Variants in AMOT observed in about 807,000 individuals in gnomAD.
AMOT encodes the protein angiomotin.
AMOT carries 11 observed loss-of-function variants against 67.0 expected under a neutral mutation model. The ratio of observed to expected loss-of-function variants is 0.16; its 90% CI spans 0.10 to 0.27. The LOEUF is 0.27. Ranked by LOEUF, AMOT falls within the 10% of genes least tolerant of loss-of-function variation. The pLI is 1.00. For synonymous variants in AMOT, 326 were observed against 321.4 expected (o/e 1.01, Z -0.15); for missense variants, 753 against 852.0 (o/e 0.88, Z 1.45).
intron 8 of AMOT, 49 bp downstream of exon 8, chrX:112,804,898 T>TTGCCCCCCCCCCCC: frequency 3.6e-5 from 30 of 837,514 alleles, no homozygotes; most frequent in East Asian, 7.6e-5. Context: ...GTCCCCGATT[T>TTGCCCCCCCCCCCC]CCCAGCCCTC....
intron 4 of AMOT, among the ~76,000 whole-genome samples, chrX:112,820,388 G>C (rs1202122448): frequency 1.8e-5 from 2 of 110,698 alleles, no homozygotes; most frequent in Non-Finnish European, 3.8e-5. Flanking sequence ...TTTCTCCGGT[G>C]GTTTAATCAG....
intron 4 of AMOT, among the ~76,000 whole-genome samples, chrX:112,821,224 C>G (rs142280845): frequency 1.8e-5 from 2 of 111,352 alleles, no homozygotes; most frequent in Non-Finnish European, 3.8e-5. Flanking sequence ...CAGACCTAGT[C>G]TGTGAGCCGC....
intron 5 of AMOT, among the ~76,000 whole-genome samples, chrX:112,812,662 T>G (rs1416770451): frequency 2.7e-5 from 3 of 112,236 alleles, no homozygotes; most frequent in Non-Finnish European, 3.8e-5. Context: ...CACGGTCTAT[T>G]AAGCAATTTT....
intron 3 of AMOT, among the ~76,000 whole-genome samples, chrX:112,824,261 C>CA (rs1383390758): frequency 1.8e-5 from 2 of 111,689 alleles, no homozygotes; most frequent in African/African-American, 6.5e-5. Context: ...CAGAATCTGT[C>CA]AATGTTAAGT....
At chrX:112,790,543 A>G in intron 10 of AMOT, 49 bp downstream of exon 10, 1 of 1,104,794 alleles carries the variant, frequency 9.1e-7, no homozygotes, top group Non-Finnish European at 1.2e-6. Context: ...TCTATGAATC[A>G]GTGACCTTTC....
chrX:112,804,866 TCAC>T, intron 8 of AMOT, 78 bp downstream of exon 8: 2 of 1,160,845 alleles, frequency 1.7e-6, no homozygotes, highest in African/African-American at 1.8e-5. Context: ...AGCTGCCAAT[TCAC>T]CACAATGTGG....
intron 9 of AMOT, among the ~76,000 whole-genome samples, chrX:112,791,061 AG>A (rs769929098): frequency 2.7e-5 from 3 of 111,012 alleles, no homozygotes; most frequent in African/African-American, 9.8e-5. Context: ...CCTGCCTGCC[AG>A]CATAACACAC....
chrX:112,835,611 G>A (rs1234398812), intron 1 of AMOT, among the ~76,000 whole-genome samples: 3 of 101,520 alleles, frequency 3.0e-5, no homozygotes, highest in African/African-American at 1.1e-4. Flanking sequence ...TTGAGACGGA[G>A]TTTTGCTCTT....
intron 4 of AMOT, among the ~76,000 whole-genome samples, chrX:112,820,653 A>G (rs1934689107): frequency 9.0e-6 from 1 of 111,507 alleles, no homozygotes; most frequent in East Asian, 2.8e-4. Flanking sequence ...ACATCAGCCC[A>G]TCAACAGACT....
chrX:112,833,475 T>TA (rs1265123309), intron 1 of AMOT, among the ~76,000 whole-genome samples: 4 of 47,494 alleles, frequency 8.4e-5, no homozygotes, highest in African/African-American at 1.2e-4. Flanking sequence ...TTCCTGGGAG[T>TA]AAAGGGGGGG....
At position 112,813,340 on chromosome X, in the gene AMOT, G is replaced by A. The variant is rs765202636; in HGVS notation, c.1393-1947C>T. ...GCTGGGTGATGGTGGGGGCAGAGAGGAGGGTGGCAGTGGGTTTTCCAGACT... is the reference window on the plus strand; with the variant it reads ...GCTGGGTGATGGTGGGGGCAGAGAGAAGGGTGGCAGTGGGTTTTCCAGACT... On this transcript the variant is annotated intron_variant, in intron 5 of 13. Coordinates refer to ENST00000371959, the MANE Select transcript of AMOT (RefSeq NM_001113490.2). Among the ~76,000 whole-genome samples, 8 of 111,651 alleles carry A rather than the reference G, an allele frequency of 7.2e-5. No homozygotes were observed. The South Asian group carries it at 3.0e-3, about 42-fold the overall frequency.
rs1569389510 is a variant in AMOT at position 112,780,956 on chromosome X, G to A, written c.2403C>T (p.His801=). The stretch of plus-strand genomic sequence containing the variant: ...TGGGGGAGCCAGTCAGGGTGGATGA[G>A]TGGGAGAGCAAGCCTGATCCAGCAT... The part of the protein sequence containing the change: ...ISNAGSGLLS[H]SSTLTGSPIM... Residue 801 remains histidine, a synonymous_variant, in exon 12 of 14, where the codon CAC becomes CAT. Coordinates refer to ENST00000371959, the MANE Select transcript of AMOT (RefSeq NM_001113490.2). The A allele has an allele frequency of 8.3e-7, 1 of 1,212,111 alleles. No individual in the cohort carries two copies. Among genetic ancestry groups the A allele is most frequent in the Non-Finnish European group, 1.1e-6 (1 of 895,598 alleles).
intron 8 of AMOT, among the ~76,000 whole-genome samples, chrX:112,795,251 T>TGC (rs368725579): frequency 2.3e-5 from 2 of 87,943 alleles, no homozygotes; most frequent in African/African-American, 9.5e-5. Flanking sequence ...TCTCTCTCTG[T>TGC]GTGTGTGTGT....
rs778832943 is a variant in AMOT, at chrX:112,815,557, T to A, written c.1193A>T (p.Gln398Leu). Residue 398 changes from glutamine to leucine, a missense_variant, in exon 5 of 14, where the codon CAG (glutamine) becomes CTG (leucine). Around this residue, in one of 5 missense-constraint regions of AMOT, gnomAD observed 297 missense variants for 284.3 expected, o/e 1.04. Coordinates refer to ENST00000371959, the MANE Select transcript of AMOT (RefSeq NM_001113490.2). ...GGCTTCTCCTGGCTGCTGCTGTGGC[T>A]GCTGCTGCTGCTGTTGTTGGTGGTG... ...HHHHQQQQQQ[Q>L]PQQQPGEAYS... The A allele has an allele frequency of 5.0e-6, 6 of 1,206,392 alleles. No homozygotes were observed. Among genetic ancestry groups the A allele is most frequent in the Non-Finnish European group, 6.7e-6 (6 of 891,194 alleles).
chrX:112,794,244 C>T (rs965612634), intron 8 of AMOT, among the ~76,000 whole-genome samples: 3 of 111,573 alleles, frequency 2.7e-5, no homozygotes, highest in African/African-American at 6.5e-5. Context: ...AAAAGCATCC[C>T]GCAATAGAAG....
Position 112,792,446 on chromosome X carries a change from C to G in AMOT, c.1777-465G>C, listed in dbSNP as rs780688038. Among the ~76,000 whole-genome samples, 9 of 112,352 alleles carry G rather than the reference C, an allele frequency of 8.0e-5. No homozygotes were observed. The East Asian group carries it at 8.4e-4, about 11-fold the overall frequency. ...CTTTGGTATGGAAAGAAAGCCCACC[C>G]CTTTTATGTAGCTGTCTCTTCTCCA... On this transcript the variant is annotated intron_variant, in intron 8 of 13. Transcript: ENST00000371959.
Position 112,779,389 on chromosome X carries a change from GCTGGAGCAGCAGCAGCAGCAACAGCAA to G in AMOT, c.2738_2764del (p.Val913_Pro921del), listed in dbSNP as rs759763058. 0.022 allele frequency: 23,278 copies of G among 1,080,297 alleles called. 200 individuals carry two copies. The highest frequency in any genetic ancestry group is 0.026 in the Non-Finnish European group (20,525 of 794,162). The allele number at this position is 1,080,297 out of a possible 1,213,427, so 89.0% of individuals were successfully genotyped here. A position where few individuals can be genotyped will look rare whatever the true frequency, so the allele number is the denominator to read the frequency against. ...GGCTGGAGACGGGGCAGCAGCAGCAGCTGGAGCAGCAGCAGCAGCAACAGCAACTGGAGCAGCAGCTACCATGGTGGT... is the reference window on the plus strand; with the variant it reads ...GGCTGGAGACGGGGCAGCAGCAGCAGCTGGAGCAGCAGCTACCATGGTGGT... On this transcript the variant is annotated inframe_deletion, in exon 13 of 14. Coordinates refer to ENST00000371959, the MANE Select transcript of AMOT (RefSeq NM_001113490.2).
At chrX:112,792,075 G>C (rs111762362) in intron 8 of AMOT, 94 bp from the exon 9 acceptor site, 5 of 1,046,897 alleles carry the variant, frequency 4.8e-6, no homozygotes, top group African/African-American at 3.7e-5. Context: ...CTTGTGTTTA[G>C]ATCTCTTCTT....
At chrX:112,825,645 T>A (rs1750396687) in intron 2 of AMOT, among the ~76,000 whole-genome samples, 1 of 110,763 alleles carries the variant, frequency 9.0e-6, no homozygotes, top group African/African-American at 3.3e-5. Context: ...GCAGTCATCA[T>A]AAGGTAGGTT....
Sources: allele counts gnomAD v4.1 joint callset (sites outside exome capture counted in the v4.1 genomes callset), GRCh38; gene constraint gnomAD v4.1.1; regional missense constraint gnomAD v4.1.1; transcripts MANE v1.5; gene names NCBI Gene and HGNC (gene_info 2026-07-23, HGNC 2026-07-21).